Variants in ROBO1 observed in about 807,000 individuals in gnomAD.
The protein encoded by ROBO1 is roundabout guidance receptor 1, also known as roundabout homolog 1.
Under a neutral mutation model 195.9 loss-of-function variants are expected in ROBO1, and 149 were observed. That is an observed-to-expected ratio of 0.76 (90% CI 0.67 to 0.87). The LOEUF (loss-of-function observed/expected upper bound fraction) is 0.87, where lower values mean the gene tolerates loss of function less well. Among genes scored for constraint, ROBO1 ranks in the 40% least tolerant of loss-of-function variants. The pLI is 0.00. For synonymous variants in ROBO1, 816 were observed against 733.2 expected (o/e 1.11, Z -1.82); for missense variants, 1,933 against 2,068.3 (o/e 0.93, Z 1.27).
intron 2 of ROBO1, among the ~76,000 whole-genome samples, chr3:79,222,816 C>T (rs1028108688): frequency 1.3e-5 from 2 of 151,862 alleles, no homozygotes; most frequent in African/African-American, 2.4e-5. Context: ...TTAATATATT[C>T]GGGATAATTA....
intron 4 of ROBO1, among the ~76,000 whole-genome samples, chr3:78,809,987 TAA>T (rs57179877): frequency 5.7e-4 from 80 of 139,828 alleles, no homozygotes; most frequent in African/African-American, 1.6e-3. Context: ...TAAAGTATAG[TAA>T]AAAAAAAAAA....
intron 2 of ROBO1, among the ~76,000 whole-genome samples, chr3:79,269,073 G>GA (rs2030274303): frequency 6.6e-6 from 1 of 151,568 alleles, no homozygotes; most frequent in South Asian, 2.1e-4. Flanking sequence ...AGTGGGAGAT[G>GA]AATTTTTTTT....
intron 3 of ROBO1, among the ~76,000 whole-genome samples, chr3:79,047,593 TAA>T (rs1205993200): frequency 6.6e-6 from 1 of 152,152 alleles, no homozygotes; most frequent in Non-Finnish European, 1.5e-5. Flanking sequence ...TGTGAGATAA[TAA>T]GTGCTTATTG....
At chr3:79,724,145 T>A (rs909983006) in intron 1 of ROBO1, among the ~76,000 whole-genome samples, 1 of 152,240 alleles carries the variant, frequency 6.6e-6, no homozygotes, top group African/African-American at 2.4e-5. Context: ...AATTCTAGAC[T>A]CCTATGCCTG....
chr3:79,259,906 T>C (rs1223580406), intron 2 of ROBO1, among the ~76,000 whole-genome samples: 2 of 152,162 alleles, frequency 1.3e-5, no homozygotes, highest in Non-Finnish European at 2.9e-5. Context: ...GTAAAATGCA[T>C]TTGTAATTCT....
intron 1 of ROBO1, among the ~76,000 whole-genome samples, chr3:79,762,488 A>G (rs1704749487): frequency 6.6e-6 from 1 of 152,174 alleles, no homozygotes; most frequent in East Asian, 1.9e-4. Flanking sequence ...AAAGGGAGGA[A>G]TACTTAAACC....
chr3:79,033,506 T>C (rs1339042968), intron 3 of ROBO1, among the ~76,000 whole-genome samples: 1 of 152,160 alleles, frequency 6.6e-6, no homozygotes, highest in Non-Finnish European at 1.5e-5. Flanking sequence ...AAAGTGATAA[T>C]GCCCCAAGGA....
intron 2 of ROBO1, among the ~76,000 whole-genome samples, chr3:79,575,237 A>AACAAATAT (rs1943430670): frequency 2.8e-5 from 2 of 72,416 alleles, no homozygotes; most frequent in African/African-American, 6.4e-5. Flanking sequence ...AATATATATA[A>AACAAATAT]ATATATATAA....
At chr3:79,741,869 T>C (rs1249559731) in intron 1 of ROBO1, among the ~76,000 whole-genome samples, 1 of 152,222 alleles carries the variant, frequency 6.6e-6, no homozygotes, top group East Asian at 1.9e-4. Flanking sequence ...GGTCACTCAC[T>C]ATGCTTTAGC....
intron 1 of ROBO1, among the ~76,000 whole-genome samples, chr3:79,606,370 T>C (rs866963461): frequency 1.8e-4 from 27 of 152,028 alleles, no homozygotes; most frequent in African/African-American, 5.6e-4. Context: ...AGATTGATAA[T>C]GAATGACCCT....
intron 2 of ROBO1, among the ~76,000 whole-genome samples, chr3:79,482,370 T>C (rs1217057368): frequency 3.3e-5 from 5 of 152,144 alleles, no homozygotes; most frequent in Non-Finnish European, 7.4e-5. Context: ...GGGAGATAAT[T>C]GAATAATTGG....
At chr3:78,837,794 A>C (rs1188281268) in intron 4 of ROBO1, among the ~76,000 whole-genome samples, 1 of 152,182 alleles carries the variant, frequency 6.6e-6, no homozygotes, top group Non-Finnish European at 1.5e-5. Flanking sequence ...AATTAACAAA[A>C]AAATACGCAG....
At chr3:78,685,704 G>A in intron 10 of ROBO1, 42 bp downstream of exon 10, 4 of 1,457,962 alleles carry the variant, frequency 2.7e-6, no homozygotes, top group South Asian at 2.7e-5. Flanking sequence ...TGGATCCTAA[G>A]TCAAACTTGG....
intron 3 of ROBO1, among the ~76,000 whole-genome samples, chr3:78,961,314 T>C (rs555046785): frequency 6.6e-6 from 1 of 152,308 alleles, no homozygotes; most frequent in Admixed American, 6.5e-5. Context: ...TGCAAGGAGA[T>C]GGTCAAGATG....
At chr3:79,054,220 C>T (rs1559624428) in intron 3 of ROBO1, among the ~76,000 whole-genome samples, 1 of 152,092 alleles carries the variant, frequency 6.6e-6, no homozygotes, top group Non-Finnish European at 1.5e-5. Context: ...GCTCTTACCA[C>T]AGAACAAGTA....
At chr3:79,058,525 C>T (rs975463287) in intron 3 of ROBO1, among the ~76,000 whole-genome samples, 2 of 152,024 alleles carry the variant, frequency 1.3e-5, no homozygotes, top group Non-Finnish European at 2.9e-5. Flanking sequence ...TCCCCACTAC[C>T]GTCCCCCTCC....
At position 78,853,568 on chromosome 3, in the gene ROBO1, T is replaced by C. The variant is rs142509880; in HGVS notation, c.499+85033A>G. On this transcript the variant is annotated intron_variant, in intron 4 of 30. Transcript: ENST00000464233. ...ACCCAGTCATTTGTTCAAACAGCAG[T>C]CTAGATGTTGCTATAAAGGTATTTT... is the stretch of plus-strand genomic sequence containing the variant. 3.3e-3 allele frequency among the ~76,000 whole-genome samples: 504 copies of C among 152,024 alleles called. 7 individuals are homozygous for C. The highest frequency in any genetic ancestry group is 0.011 in the African/African-American group (461 of 41,472).
At chr3:79,472,618 C>T (rs1275679671) in intron 2 of ROBO1, among the ~76,000 whole-genome samples, 3 of 152,070 alleles carry the variant, frequency 2.0e-5, no homozygotes, top group Non-Finnish European at 4.4e-5. Context: ...AGCTAAAATG[C>T]AACTTTATTA....
intron 8 of ROBO1, among the ~76,000 whole-genome samples, chr3:78,711,475 T>TTC (rs1264085792): frequency 7.7e-6 from 1 of 129,220 alleles, no homozygotes; most frequent in Non-Finnish European, 1.7e-5. Context: ...TTTTCTCTCT[T>TTC]TCTCTCTCTC....
Sources: allele counts gnomAD v4.1 joint callset (sites outside exome capture counted in the v4.1 genomes callset), GRCh38; gene constraint gnomAD v4.1.1; transcripts MANE v1.5; gene names NCBI Gene and HGNC (gene_info 2026-07-23, HGNC 2026-07-21).